ITGA8: variants seen among roughly 807,000 people sequenced by gnomAD.
The protein encoded by ITGA8 is integrin alpha-8.
A neutral mutation model predicts 142.3 loss-of-function variants in ITGA8; 91 were observed. That is an observed-to-expected ratio of 0.64 (90% confidence interval 0.54 to 0.76). The LOEUF is 0.76. Among genes scored for constraint, ITGA8 ranks in the 30% least tolerant of loss-of-function variants. The pLI is 0.00. For synonymous variants in ITGA8, 505 were observed against 485.2 expected (o/e 1.04, Z -0.54); for missense variants, 1,406 against 1,327.7 (o/e 1.06, Z -0.92).
chr10:15,674,740 G>A (rs987216318), intron 6 of ITGA8, among the ~76,000 whole-genome samples: 6 of 152,038 alleles, frequency 3.9e-5, no homozygotes, highest in African/African-American at 1.4e-4. Flanking sequence ...TCAGGAGTTT[G>A]AGACCAGTCT....
intron 13 of ITGA8, among the ~76,000 whole-genome samples, chr10:15,641,331 A>C (rs1198583793): frequency 6.6e-6 from 1 of 152,216 alleles, no homozygotes; most frequent in Non-Finnish European, 1.5e-5. Flanking sequence ...TTTGAAAGCT[A>C]AATGGAATTC....
chr10:15,567,722 C>A (rs1834103843), intron 25 of ITGA8, among the ~76,000 whole-genome samples: 1 of 152,146 alleles, frequency 6.6e-6, no homozygotes, highest in South Asian at 2.1e-4. Flanking sequence ...CCTAGGCTGA[C>A]CTCAGTTGGG....
chr10:15,601,663 G>T (rs1257411192), intron 20 of ITGA8, among the ~76,000 whole-genome samples: 1 of 152,042 alleles, frequency 6.6e-6, no homozygotes, highest in Non-Finnish European at 1.5e-5. Flanking sequence ...AAATTAAGGA[G>T]AAAAATCACC....
intron 20 of ITGA8, among the ~76,000 whole-genome samples, chr10:15,601,824 A>G (rs190734586): frequency 1.3e-5 from 2 of 152,336 alleles, no homozygotes; most frequent in Non-Finnish European, 2.9e-5. Context: ...TGAGGAAAAA[A>G]TGGTTAAAAA....
chr10:15,691,223 C>A (rs754337396), intron 2 of ITGA8, among the ~76,000 whole-genome samples: 3 of 151,968 alleles, frequency 2.0e-5, no homozygotes, highest in Non-Finnish European at 2.9e-5. Flanking sequence ...AGAAAGGGAC[C>A]CCTAGCATAC....
At chr10:15,602,401 T>A (rs1320808249) in intron 20 of ITGA8, among the ~76,000 whole-genome samples, 1 of 152,218 alleles carries the variant, frequency 6.6e-6, no homozygotes, top group Non-Finnish European at 1.5e-5. Flanking sequence ...TTTATTTTTA[T>A]CTTAAAGTGA....
rs183192040 is a variant in ITGA8, at chr10:15,555,056, C to T, written c.2766+3018G>A. Among the ~76,000 whole-genome samples the T allele has an allele frequency of 1.1e-3, 171 of 152,284 alleles. 1 individual carries two copies. Among genetic ancestry groups the T allele is most frequent in the Admixed American group, 0.01 (155 of 15,292 alleles). ...CAGTGATAGCTACCGTGAATTATTT[C>T]AGTTTCATAAATGGCTGGAGCAGTT... is the stretch of plus-strand genomic sequence containing the variant. On this transcript the variant is annotated intron_variant, in intron 26 of 29. Coordinates refer to ENST00000378076, the MANE Select transcript of ITGA8 (RefSeq NM_003638.3).
intron 12 of ITGA8, 113 bp from the exon 13 acceptor site, chr10:15,644,334 C>CTCA: frequency 4.2e-6 from 4 of 947,660 alleles, no homozygotes; most frequent in Non-Finnish European, 6.1e-6. Flanking sequence ...GTGGTGGGAT[C>CTCA]ATGGCTCACC....
chr10:15,664,749 G>A (rs1317122647), intron 8 of ITGA8, among the ~76,000 whole-genome samples: 3 of 143,412 alleles, frequency 2.1e-5, no homozygotes, highest in Non-Finnish European at 3.0e-5. Context: ...TCCCACCTAT[G>A]AGTGAGAACA....
In ITGA8 at chr10:15,604,311, A is replaced by G. The variant is rs1226190189; in HGVS notation, c.2015T>C (p.Leu672Pro). The G allele has an allele frequency of 1.2e-6, 2 of 1,612,196 alleles. No homozygotes were observed. The highest frequency in any genetic ancestry group is 2.7e-5 in the African/African-American group (2 of 74,842). Residue 672 changes from leucine to proline, a missense_variant, in exon 20 of 30, where the codon CTC (leucine) becomes CCC (proline). Transcript: ENST00000378076. ...CCCTTCATTTCTTGCATTTATTATG[A>G]GCATAAGGTGATTTTCATCTCCAAT... is the stretch of plus-strand genomic sequence containing the variant. Reference protein sequence around the residue: ...VIIGDENHLMLIINARNEGEG... With the variant: ...VIIGDENHLMPIINARNEGEG...
chr10:15,574,239 T>C (rs1383633742), intron 24 of ITGA8, among the ~76,000 whole-genome samples: 1 of 152,260 alleles, frequency 6.6e-6, no homozygotes, highest in East Asian at 1.9e-4. Flanking sequence ...CTCCTTTTTA[T>C]GCATCACTGG....
At chr10:15,533,533 G>A (rs1833354798) in intron 27 of ITGA8, among the ~76,000 whole-genome samples, 1 of 152,182 alleles carries the variant, frequency 6.6e-6, no homozygotes, top group Admixed American at 6.5e-5. Context: ...ATGAGATCTT[G>A]TGGGTAAGGA....
At chr10:15,547,739 C>G (rs781567326) in intron 27 of ITGA8, among the ~76,000 whole-genome samples, 3 of 152,198 alleles carry the variant, frequency 2.0e-5, no homozygotes, top group Admixed American at 6.5e-5. Context: ...TGCAGGACCA[C>G]TTGACAAGAG....
intron 20 of ITGA8, among the ~76,000 whole-genome samples, chr10:15,600,351 C>A (rs1479978140): frequency 6.6e-6 from 1 of 152,166 alleles, no homozygotes; most frequent in Non-Finnish European, 1.5e-5. Context: ...ATTGTCTCAA[C>A]TATTATTAAG....
intron 26 of ITGA8, among the ~76,000 whole-genome samples, chr10:15,549,726 T>G (rs942422248): frequency 6.6e-6 from 1 of 152,216 alleles, no homozygotes; most frequent in African/African-American, 2.4e-5. Context: ...GGATATTATG[T>G]GAAGTAGTTG....
intron 13 of ITGA8, among the ~76,000 whole-genome samples, chr10:15,623,563 T>C (rs550189113): frequency 3.1e-4 from 47 of 152,008 alleles, no homozygotes; most frequent in Non-Finnish European, 5.0e-4. Context: ...GCAGTTGCCT[T>C]TAATCCCAGC....
chr10:15,692,014 G>T (rs1834944383), intron 2 of ITGA8, among the ~76,000 whole-genome samples: 1 of 152,118 alleles, frequency 6.6e-6, no homozygotes, highest in Non-Finnish European at 1.5e-5. Flanking sequence ...ACAGTTCACT[G>T]CAGCCTCGAC....
At chr10:15,689,594 G>C (rs1834895704) in intron 2 of ITGA8, among the ~76,000 whole-genome samples, 1 of 152,176 alleles carries the variant, frequency 6.6e-6, no homozygotes. Context: ...CACAACTCCA[G>C]AGACGGAGCT....
At chr10:15,705,336 A>G (rs1835238294) in intron 2 of ITGA8, among the ~76,000 whole-genome samples, 1 of 152,126 alleles carries the variant, frequency 6.6e-6, no homozygotes, top group South Asian at 2.1e-4. Flanking sequence ...TGTTGTTTCA[A>G]TGAGAAAATG....
Sources: allele counts gnomAD v4.1 joint callset (sites outside exome capture counted in the v4.1 genomes callset), GRCh38; gene constraint gnomAD v4.1.1; transcripts MANE v1.5; gene names NCBI Gene and HGNC (gene_info 2026-07-23, HGNC 2026-07-21).